Variants in NRK observed in about 807,000 individuals in gnomAD.
NRK encodes Nik related kinase.
NRK carries 67 observed loss-of-function variants against 125.2 expected under a neutral mutation model. The observed-to-expected ratio is 0.54, with a 90% confidence interval of 0.44 to 0.66. NRK has a LOEUF of 0.66. Among genes scored for constraint, NRK ranks in the 30% least tolerant of loss-of-function variants. The pLI is 0.00. For synonymous variants in NRK, 458 were observed against 429.0 expected (o/e 1.07, Z -0.84); for missense variants, 1,224 against 1,192.9 (o/e 1.03, Z -0.38).
chrX:105,846,652 G>T (rs1348397621), intron 2 of NRK, among the ~76,000 whole-genome samples: 1 of 111,402 alleles, frequency 9.0e-6, no homozygotes, highest in Non-Finnish European at 1.9e-5. Flanking sequence ...TGGAGACAGA[G>T]ATAGAGCCAG....
chrX:105,827,808 T>A (rs971859765), intron 1 of NRK, among the ~76,000 whole-genome samples: 1 of 112,172 alleles, frequency 8.9e-6, no homozygotes, highest in Admixed American at 9.5e-5. Flanking sequence ...TTACTGACCA[T>A]TTTGTATACC....
At chrX:105,922,154 T>A in intron 17 of NRK, 93 bp downstream of exon 17, 2 of 409,560 alleles carry the variant, frequency 4.9e-6, no homozygotes, top group Non-Finnish European at 8.5e-6. Flanking sequence ...AGGGAAAGGT[T>A]AAAGAGTTTA....
intron 27 of NRK, among the ~76,000 whole-genome samples, chrX:105,950,511 A>G (rs1427961030): frequency 9.7e-6 from 1 of 102,844 alleles, no homozygotes; most frequent in African/African-American, 3.5e-5. Context: ...TGGAGAAAAT[A>G]AAGGAAAAAG....
chrX:105,898,819 A>C, intron 8 of NRK, 105 bp downstream of exon 8: 1 of 607,710 alleles, frequency 1.6e-6, no homozygotes, highest in Admixed American at 4.8e-5. Flanking sequence ...GCAGCTCCAC[A>C]TTTTACATTA....
chrX:105,844,753 A>T (rs2039379165), intron 2 of NRK, among the ~76,000 whole-genome samples: 1 of 111,987 alleles, frequency 8.9e-6, no homozygotes, highest in Admixed American at 9.5e-5. Context: ...GTATACAAGA[A>T]AATTTGTTTA....
At chrX:105,937,664 A>G (rs780209437) in intron 22 of NRK, 82 bp downstream of exon 22, 38 of 674,705 alleles carry the variant, frequency 5.6e-5, no homozygotes, top group Non-Finnish European at 7.9e-5. Flanking sequence ...TCTCAGGTTA[A>G]AGTGTTCCTA....
At chrX:105,826,038 GTCTCTCTC>G (rs200199183) in intron 1 of NRK, among the ~76,000 whole-genome samples, 2 of 93,487 alleles carry the variant, frequency 2.1e-5, no homozygotes, top group African/African-American at 4.0e-5. Context: ...CTCTGTCTCC[GTCTCTCTC>G]TCTCTCTCTC....
chrX:105,838,247 GTTTTTCTATTCTTTTC>G (rs1336557308), intron 2 of NRK, among the ~76,000 whole-genome samples: 2 of 111,476 alleles, frequency 1.8e-5, no homozygotes, highest in Admixed American at 1.9e-4. Flanking sequence ...TTTTTAACAT[GTTTTTCTATTCTTTTC>G]TTCTGTTTTA....
At chrX:105,854,741 T>A (rs1437265546) in intron 2 of NRK, among the ~76,000 whole-genome samples, 1 of 111,739 alleles carries the variant, frequency 8.9e-6, no homozygotes, top group Non-Finnish European at 1.9e-5. Flanking sequence ...CTCCTTTTAT[T>A]CTTATTTGAA....
chrX:105,927,404 A>T (rs1323154994), intron 19 of NRK, among the ~76,000 whole-genome samples: 1 of 111,498 alleles, frequency 9.0e-6, no homozygotes, highest in Non-Finnish European at 1.9e-5. Flanking sequence ...TTCTATTTAT[A>T]AGATCATGTC....
At chrX:105,939,172 A>G (rs748281666) in intron 22 of NRK, among the ~76,000 whole-genome samples, 1 of 111,599 alleles carries the variant, frequency 9.0e-6, no homozygotes, top group Non-Finnish European at 1.9e-5. Context: ...GACTAATCAC[A>G]TAAGTAAGAA....
At chrX:105,890,721 G>C (rs1184201559) in intron 5 of NRK, among the ~76,000 whole-genome samples, 1 of 111,312 alleles carries the variant, frequency 9.0e-6, no homozygotes, top group Non-Finnish European at 1.9e-5. Context: ...CACTAGAAGA[G>C]CACGGGAAAG....
intron 22 of NRK, among the ~76,000 whole-genome samples, chrX:105,939,602 G>A (rs994905784): frequency 1.8e-5 from 2 of 110,883 alleles, no homozygotes; most frequent in African/African-American, 6.6e-5. Flanking sequence ...CCTGCATAGT[G>A]GAAGGCTTAA....
intron 2 of NRK, among the ~76,000 whole-genome samples, chrX:105,867,853 A>G (rs751849011): frequency 8.9e-6 from 1 of 111,789 alleles, no homozygotes; most frequent in East Asian, 2.8e-4. Context: ...AAAATATTCA[A>G]ATAACTAGAA....
chrX:105,938,712 G>T (rs1185679441), intron 22 of NRK, among the ~76,000 whole-genome samples: 3 of 111,744 alleles, frequency 2.7e-5, no homozygotes, highest in African/African-American at 9.8e-5. Context: ...GTAGTTTAAA[G>T]CACAAATTTA....
intron 2 of NRK, among the ~76,000 whole-genome samples, chrX:105,872,878 T>TCC (rs747838337): frequency 2.7e-5 from 3 of 110,715 alleles, no homozygotes; most frequent in Non-Finnish European, 5.7e-5. Context: ...TGTTGTCTTG[T>TCC]CCCTCCCTGG....
At chrX:105,917,737 A>T (rs762484272) in intron 16 of NRK, 65 bp downstream of exon 16, 6 of 539,882 alleles carry the variant, frequency 1.1e-5, no homozygotes, top group Non-Finnish European at 1.4e-5. Flanking sequence ...TTTATATTTC[A>T]GAAGTCAAGA....
At position 105,939,867 on chromosome X, in the gene NRK, C is replaced by T; in HGVS notation, c.3800-7C>T. ...TTTTAAATACTGTATATTTTCTTAT[C>T]TATCAGGTCATAAGAACAGACTTCG... On this transcript the variant is annotated splice_polypyrimidine_tract_variant and splice_region_variant and intron_variant, in intron 22 of 28. Transcript: ENST00000243300. The T allele has an allele frequency of 9.2e-7, 1 of 1,082,115 alleles. No individual in the cohort carries two copies. Among genetic ancestry groups the T allele is most frequent in the Non-Finnish European group, 1.3e-6 (1 of 796,636 alleles). 89.2% of individuals were successfully genotyped at this position (1,082,115 alleles called of 1,213,427 possible).
chrX:105,900,512 G>A lies in NRK; in HGVS notation c.712-106G>A. The A allele has an allele frequency of 6.0e-6, 3 of 502,910 alleles. No individual in the cohort carries two copies. The Admixed American group carries it at 9.5e-5, about 16-fold the overall frequency. The allele number at this position is 502,910 out of a possible 1,213,427, so 41.4% of individuals were successfully genotyped here. A position where few individuals can be genotyped will look rare whatever the true frequency, so the allele number is the denominator to read the frequency against. On this transcript the variant is annotated intron_variant, in intron 8 of 28. Transcript: ENST00000243300. ...TTCATTATGGGAAACCCATAAAAGA[G>A]CTCTGGCATTGACATCCACACCCCC...
Sources: allele counts gnomAD v4.1 joint callset (sites outside exome capture counted in the v4.1 genomes callset), GRCh38; gene constraint gnomAD v4.1.1; transcripts MANE v1.5; gene names NCBI Gene and HGNC (gene_info 2026-07-23, HGNC 2026-07-21).